Variants in ANKFN1 observed in about 807,000 individuals in gnomAD.
ANKFN1 encodes ankyrin repeat and fibronectin type-III domain-containing protein 1.
A neutral mutation model predicts 108.7 loss-of-function variants in ANKFN1; 74 were observed. That is an observed-to-expected ratio of 0.68 (90% CI 0.56 to 0.83). The LOEUF is 0.83. ANKFN1 is among the 40% of genes least tolerant of loss of function. The pLI is 0.00. For missense variants in ANKFN1, 1,505 were observed against 1,382.3 expected (o/e 1.09, Z -1.41); for synonymous variants, 547 against 516.2 (o/e 1.06, Z -0.81).
At chr17:56,499,991 C>A (rs1387393706) in intron 20 of ANKFN1, among the ~76,000 whole-genome samples, 2 of 152,128 alleles carry the variant, frequency 1.3e-5, no homozygotes, top group African/African-American at 4.8e-5. Flanking sequence ...CCATAGGGGG[C>A]AGCATGGTGT....
rs988090718 is a variant in ANKFN1 at position 56,493,246 on chromosome 17, A to AT, written c.2427+894dup. ...AAATGTGCTAGGTGCCAAAAAAAAG[A>AT]TATACCAAAGCAAAACAAACAAACA... On this transcript the variant is annotated intron_variant, in intron 19 of 20. Coordinates refer to ENST00000682825, the MANE Select transcript of ANKFN1 (RefSeq NM_001370326.1). Among the ~76,000 whole-genome samples the AT allele has an allele frequency of 5.3e-5, 8 of 152,196 alleles. No homozygotes were observed. In the South Asian group the frequency reaches 1.2e-3, roughly 24 times the overall value.
At chr17:56,237,337 A>C (rs1281996152) in intron 3 of ANKFN1, among the ~76,000 whole-genome samples, 1 of 152,164 alleles carries the variant, frequency 6.6e-6, no homozygotes, top group Non-Finnish European at 1.5e-5. Flanking sequence ...TAGGAATTGT[A>C]CCAGCTCTAA....
At chr17:56,468,965 C>T (rs975418404) in intron 15 of ANKFN1, among the ~76,000 whole-genome samples, 1 of 151,930 alleles carries the variant, frequency 6.6e-6, no homozygotes, top group African/African-American at 2.4e-5. Context: ...TACACTAATC[C>T]CCTATAGGGA....
At chr17:56,349,675 T>C (rs1438987330) in intron 4 of ANKFN1, among the ~76,000 whole-genome samples, 1 of 152,188 alleles carries the variant, frequency 6.6e-6, no homozygotes, top group East Asian at 1.9e-4. Flanking sequence ...TTTAACGTGA[T>C]GGGAATCCCA....
intron 4 of ANKFN1, among the ~76,000 whole-genome samples, chr17:56,327,379 T>G (rs546118876): frequency 6.6e-6 from 1 of 152,250 alleles, no homozygotes; most frequent in South Asian, 2.1e-4. Flanking sequence ...TTTAATGTCT[T>G]TGGTGCACTC....
intron 4 of ANKFN1, among the ~76,000 whole-genome samples, chr17:56,052,749 T>C (rs1189272655): frequency 6.6e-6 from 1 of 152,162 alleles, no homozygotes. Context: ...CCCTATGTGG[T>C]GTGCACTATT....
chr17:56,164,409 A>T (rs1451852940), intron 1 of ANKFN1, among the ~76,000 whole-genome samples: 3 of 152,002 alleles, frequency 2.0e-5, no homozygotes, highest in African/African-American at 7.2e-5. Flanking sequence ...ACCCTAATTC[A>T]TTGTGAGTTT....
Position 56,448,934 on chromosome 17 carries a change from C to T in ANKFN1, c.1100-145C>T. 4.9e-6 allele frequency: 3 copies of T among 606,648 alleles called. No individual in the cohort carries two copies. The East Asian group carries it at 8.8e-5, about 18-fold the overall frequency. The allele number at this position is 606,648 out of a possible 1,614,324, so 37.6% of individuals were successfully genotyped here. On this transcript the variant is annotated intron_variant, in intron 10 of 20. Coordinates refer to ENST00000682825, the MANE Select transcript of ANKFN1 (RefSeq NM_001370326.1). Reference sequence around the variant, plus strand: ...ACAATGGCAGCTTCCAAATCCTTGGCATCGCCTGCTTGCTCTGCATGTGCG... The same window carrying T: ...ACAATGGCAGCTTCCAAATCCTTGGTATCGCCTGCTTGCTCTGCATGTGCG...
chr17:56,194,049 G>A lies in ANKFN1; in HGVS notation c.-70-18549G>A, dbSNP rs550083993. Among the ~76,000 whole-genome samples the A allele has an allele frequency of 4.7e-4, 72 of 152,296 alleles. 1 individual carries two copies. The highest frequency in any genetic ancestry group is 1.7e-3 in the African/African-American group (70 of 41,562). ...GTACTCCATGTCTTTTGTCACTAGGGAACGAAAATTAAAGCAATGATATAC... is the reference window on the plus strand; with the variant it reads ...GTACTCCATGTCTTTTGTCACTAGGAAACGAAAATTAAAGCAATGATATAC... On this transcript the variant is annotated intron_variant, in intron 1 of 20. Transcript: ENST00000682825.
Position 56,172,790 on chromosome 17 carries a change from T to A in ANKFN1, c.-71+19260T>A, listed in dbSNP as rs531206887. Among the ~76,000 whole-genome samples the A allele has an allele frequency of 8.5e-4, 129 of 152,218 alleles. 1 individual carries two copies. Among genetic ancestry groups the A allele is most frequent in the African/African-American group, 2.7e-3 (113 of 41,532 alleles). ...AGCTGGCTCTTGTCCCACGCTGTCT[T>A]AAAGGCACTACCTGACAACTGATAC... On this transcript the variant is annotated intron_variant, in intron 1 of 20. Transcript: ENST00000682825.
intron 3 of ANKFN1, among the ~76,000 whole-genome samples, chr17:56,240,476 G>C (rs148142812): frequency 6.6e-6 from 1 of 151,842 alleles, no homozygotes; most frequent in East Asian, 1.9e-4. Context: ...GCCAATTTTT[G>C]CTATAAAAAA....
intron 3 of ANKFN1, among the ~76,000 whole-genome samples, chr17:56,273,289 G>A (rs1598336295): frequency 1.3e-5 from 2 of 151,900 alleles, no homozygotes; most frequent in South Asian, 2.1e-4. Context: ...TTTATTTAAT[G>A]GGTATACTAT....
intron 6 of ANKFN1, among the ~76,000 whole-genome samples, chr17:56,362,538 T>G (rs2046549804): frequency 6.6e-6 from 1 of 152,166 alleles, no homozygotes; most frequent in Non-Finnish European, 1.5e-5. Flanking sequence ...GGGAAAACTG[T>G]ATATCCACAT....
intron 4 of ANKFN1, among the ~76,000 whole-genome samples, chr17:56,118,716 C>A (rs1042919863): frequency 8.5e-5 from 13 of 152,142 alleles, no homozygotes; most frequent in African/African-American, 2.9e-4. Flanking sequence ...TATTAAGAAG[C>A]GAACATATTA....
chr17:56,351,392 T>G (rs1457102449), intron 5 of ANKFN1, among the ~76,000 whole-genome samples: 3 of 151,342 alleles, frequency 2.0e-5, no homozygotes, highest in Non-Finnish European at 2.9e-5. Context: ...AGAATGCACA[T>G]GTATTATATG....
At position 56,420,473 on chromosome 17, in the gene ANKFN1, A is replaced by G. The variant is rs372826104; in HGVS notation, c.911-19854A>G. ...AACTAAAGGTTATCTATATAATATT[A>G]CTTTTACTCACTTGCATTCTGATAT... On this transcript the variant is annotated intron_variant, in intron 8 of 20. Transcript: ENST00000682825. Among the ~76,000 whole-genome samples, 23 of 152,306 alleles carry G rather than the reference A, an allele frequency of 1.5e-4. No individual in the cohort carries two copies. The East Asian group carries it at 4.4e-3, about 29-fold the overall frequency.
intron 20 of ANKFN1, among the ~76,000 whole-genome samples, chr17:56,499,453 C>CAAACT (rs1395501663): frequency 6.6e-6 from 1 of 152,076 alleles, no homozygotes; most frequent in African/African-American, 2.4e-5. Context: ...CTGAGCAAGA[C>CAAACT]AAACTAAGGA....
chr17:56,189,034 G>A (rs1451350130), intron 1 of ANKFN1, among the ~76,000 whole-genome samples: 2 of 151,840 alleles, frequency 1.3e-5, no homozygotes, highest in South Asian at 2.1e-4. Context: ...CTGGGAGGGT[G>A]GTGCATCTCG....
At chr17:56,374,120 C>G (rs1291662176) in intron 7 of ANKFN1, among the ~76,000 whole-genome samples, 3 of 152,210 alleles carry the variant, frequency 2.0e-5, no homozygotes, top group Non-Finnish European at 4.4e-5. Flanking sequence ...GACTGTTTGT[C>G]TTCACTGTGT....
Sources: allele counts gnomAD v4.1 joint callset (sites outside exome capture counted in the v4.1 genomes callset), GRCh38; gene constraint gnomAD v4.1.1; transcripts MANE v1.5; gene names NCBI Gene and HGNC (gene_info 2026-07-23, HGNC 2026-07-21).